Variants in PCDH15 observed in about 807,000 individuals in gnomAD.
PCDH15 encodes protocadherin related 15.
In PCDH15, 129 loss-of-function variants were observed where a neutral mutation model predicts 178.5. The ratio of observed to expected loss-of-function variants is 0.72; its 90% confidence interval spans 0.63 to 0.84. PCDH15 has a LOEUF of 0.84. PCDH15 is among the 40% of genes least tolerant of loss of function. The pLI, the probability that PCDH15 is intolerant of heterozygous loss-of-function variation, is 0.00. For synonymous variants in PCDH15, 800 were observed against 732.0 expected (o/e 1.09, Z -1.50); for missense variants, 2,230 against 2,099.9 (o/e 1.06, Z -1.21).
rs2133060240 is a variant in PCDH15 at position 54,132,887 on chromosome 10, T to C, written c.1905A>G (p.Leu635=). 1 of 1,613,104 alleles carries C rather than the reference T, an allele frequency of 6.2e-7. No homozygotes were observed. ...CCAAGGAACATACCTGTAGATTTAA[T>C]AAAACAGCACCAACCCTCATGGCTT... ...ISEAMRVGAV[L]LNLQATDREG... Residue 635 remains leucine (L), a synonymous_variant, in exon 15 of 38, where the codon TTA becomes TTG. Coordinates refer to ENST00000644397, the MANE Select transcript of PCDH15 (RefSeq NM_001384140.1).
chr10:55,071,818 C>T (rs1340839281), intron 2 of PCDH15, among the ~76,000 whole-genome samples: 2 of 152,226 alleles, frequency 1.3e-5, no homozygotes, highest in East Asian at 3.9e-4. Flanking sequence ...CACACCACAC[C>T]TATTCCAAAA....
intron 6 of PCDH15, among the ~76,000 whole-genome samples, chr10:54,337,886 T>C (rs954102865): frequency 5.9e-5 from 9 of 152,194 alleles, no homozygotes; most frequent in African/African-American, 1.9e-4. Flanking sequence ...TAACCCTCTC[T>C]TTGTTCTCTG....
chr10:54,785,407 C>T (rs1950762674), intron 1 of PCDH15, among the ~76,000 whole-genome samples: 1 of 151,934 alleles, frequency 6.6e-6, no homozygotes, highest in Admixed American at 6.6e-5. Flanking sequence ...CTAATTAACT[C>T]CCAAGTAGGG....
chr10:53,952,869 G>C (rs1470681554), intron 23 of PCDH15, among the ~76,000 whole-genome samples: 1 of 152,272 alleles, frequency 6.6e-6, no homozygotes, highest in East Asian at 1.9e-4. Flanking sequence ...CACACAGCCA[G>C]GTGGTGACAA....
intron 2 of PCDH15, among the ~76,000 whole-genome samples, chr10:55,579,863 T>C (rs1842572413): frequency 6.6e-6 from 1 of 152,162 alleles, no homozygotes; most frequent in African/African-American, 2.4e-5. Flanking sequence ...TGTTTTTTGT[T>C]TTTTGTTTTT....
At position 55,467,966 on chromosome 10, in the gene PCDH15, C is replaced by CAAAAAAAAAAAAAAAAA. The variant is rs71463104; in HGVS notation, c.-156+159642_-156+159658dup. On this transcript the variant is annotated intron_variant, in intron 2 of 5. Transcript: ENST00000613346. Reference sequence around the variant, plus strand: ...TGGGCGATAGAGCCAGACTCCGTCTCAAAAAAAAAAAAAAAAAAAAAAAAA... The same window carrying CAAAAAAAAAAAAAAAAA: ...TGGGCGATAGAGCCAGACTCCGTCTCAAAAAAAAAAAAAAAAAAAAAAAAAAAAAAAAAAAAAAAAAA... Among the ~76,000 whole-genome samples the CAAAAAAAAAAAAAAAAA allele has an allele frequency of 4.2e-3, 153 of 36,620 alleles. 14 individuals carry two copies. The highest frequency in any genetic ancestry group is 0.015 in the African/African-American group (96 of 6,580). 24.0% of individuals were successfully genotyped at this position (36,620 alleles called of 152,430 possible). A position where few individuals can be genotyped will look rare whatever the true frequency, so the allele number is the denominator to read the frequency against.
intron 29 of PCDH15, among the ~76,000 whole-genome samples, chr10:53,839,453 GAT>G (rs1403871984): frequency 1.3e-5 from 2 of 151,758 alleles, no homozygotes; most frequent in Non-Finnish European, 2.9e-5. Flanking sequence ...TGTGTATATG[GAT>G]ATGTTTATAT....
intron 9 of PCDH15, among the ~76,000 whole-genome samples, chr10:54,232,914 A>G (rs1224526959): frequency 7.6e-6 from 1 of 130,952 alleles, no homozygotes; most frequent in Non-Finnish European, 1.6e-5. Context: ...TGTGTTGTTT[A>G]GCTTTCTTTC....
intron 2 of PCDH15, among the ~76,000 whole-genome samples, chr10:55,356,883 T>A (rs773645797): frequency 6.6e-6 from 1 of 152,060 alleles, no homozygotes; most frequent in African/African-American, 2.4e-5. Context: ...TTAGCTATAG[T>A]TTTTGGCCTT....
At chr10:55,278,266 G>A (rs978346696) in intron 1 of PCDH15, among the ~76,000 whole-genome samples, 1 of 151,780 alleles carries the variant, frequency 6.6e-6, no homozygotes, top group Non-Finnish European at 1.5e-5. Flanking sequence ...TTAAAAAAAA[G>A]TTAAAAACCT....
At position 55,188,953 on chromosome 10, in the gene PCDH15, C is replaced by G. The variant is rs550218042; in HGVS notation, c.-155-22302G>C. On this transcript the variant is annotated intron_variant, in intron 1 of 5. Coordinates refer to the PCDH15 transcript ENST00000458638. ...ATCAGGGATATTTCATCAAAATCAA[C>G]AATTAAAAAAATAAAAAAGAGAAAA... 7.9e-5 allele frequency among the ~76,000 whole-genome samples: 12 copies of G among 151,540 alleles called. No homozygotes were observed. In the East Asian group the frequency reaches 2.1e-3, roughly 27 times the overall value.
At chr10:54,318,182 C>T (rs2061394770) in intron 7 of PCDH15, among the ~76,000 whole-genome samples, 1 of 152,184 alleles carries the variant, frequency 6.6e-6, no homozygotes, top group South Asian at 2.1e-4. Flanking sequence ...AAGGAAGAAG[C>T]CCGTATTTCC....
At chr10:55,209,566 A>T (rs548815125) in intron 1 of PCDH15, among the ~76,000 whole-genome samples, 1 of 152,010 alleles carries the variant, frequency 6.6e-6, no homozygotes, top group Non-Finnish European at 1.5e-5. Flanking sequence ...GTCATAACTT[A>T]GTATTGGTTT....
At chr10:54,274,166 CA>C (rs112615913) in intron 8 of PCDH15, among the ~76,000 whole-genome samples, 46 of 151,098 alleles carry the variant, frequency 3.0e-4, no homozygotes, top group African/African-American at 1.0e-3. Flanking sequence ...AGGGAGAAGA[CA>C]AAAAAAATAA....
chr10:54,157,645 A>C lies in PCDH15; in HGVS notation c.1591-4352T>G, dbSNP rs144997621. ...ATTAACATTCAGCTTCTTGTTACTT[A>C]TGCAAATTTTTGCAGGTGGCTTTAA... On this transcript the variant is annotated intron_variant, in intron 13 of 37. Transcript: ENST00000644397. 3.2e-3 allele frequency among the ~76,000 whole-genome samples: 480 copies of C among 152,300 alleles called. 3 individuals are homozygous for C. Among genetic ancestry groups the C allele is most frequent in the African/African-American group, 0.011 (466 of 41,564 alleles).
At chr10:54,469,032 C>A (rs938470220) in intron 3 of PCDH15, among the ~76,000 whole-genome samples, 7 of 152,072 alleles carry the variant, frequency 4.6e-5, no homozygotes, top group African/African-American at 1.7e-4. Context: ...CTATATGTTT[C>A]TTTACAGGTG....
chr10:55,262,435 C>T (rs1028594080), intron 1 of PCDH15, among the ~76,000 whole-genome samples: 1 of 152,144 alleles, frequency 6.6e-6, no homozygotes, highest in African/African-American at 2.4e-5. Flanking sequence ...TATAAAAACA[C>T]TGAGACCCTA....
intron 2 of PCDH15, among the ~76,000 whole-genome samples, chr10:55,571,850 T>C (rs948576744): frequency 1.3e-5 from 2 of 152,096 alleles, no homozygotes; most frequent in Non-Finnish European, 1.5e-5. Flanking sequence ...CCTTAGATTC[T>C]TGAAATTTAT....
At chr10:55,494,134 G>C (rs1030542108) in intron 2 of PCDH15, among the ~76,000 whole-genome samples, 3 of 151,724 alleles carry the variant, frequency 2.0e-5, no homozygotes, top group Non-Finnish European at 4.4e-5. Context: ...GTTTGGTCTA[G>C]TTTGTTTATA....
Sources: allele counts gnomAD v4.1 joint callset (sites outside exome capture counted in the v4.1 genomes callset), GRCh38; gene constraint gnomAD v4.1.1; transcripts MANE v1.5; gene names NCBI Gene and HGNC (gene_info 2026-07-23, HGNC 2026-07-21).